NRCAM: variants seen among roughly 807,000 people sequenced by gnomAD.
NRCAM encodes neuronal cell adhesion molecule.
NRCAM carries 83 observed loss-of-function variants against 156.5 expected under a neutral mutation model. The ratio of observed to expected loss-of-function variants is 0.53; its 90% CI spans 0.44 to 0.64. The LOEUF (loss-of-function observed/expected upper bound fraction) is 0.64, where lower values mean the gene tolerates loss of function less well. Ranked by LOEUF, NRCAM falls within the 30% of genes least tolerant of loss-of-function variation. NRCAM has a pLI of 0.00. For missense variants in NRCAM, 1,417 were observed against 1,597.3 expected, an observed-to-expected ratio of 0.89 and a Z score of 1.92; for synonymous variants, 538 against 563.9, an observed-to-expected ratio of 0.95 and a Z score of 0.65.
rs547689635 is a variant in NRCAM at position 108,270,029 on chromosome 7, T to G, written c.-106-29859A>C. On this transcript the variant is annotated intron_variant, in intron 3 of 32. Coordinates refer to ENST00000379028, the MANE Select transcript of NRCAM (RefSeq NM_001037132.4). ...TGTGTTCATTAGAGTTCAAAATGTTTCAGCAGATACAGCTTCCATTATCTT... is the reference window on the plus strand; with the variant it reads ...TGTGTTCATTAGAGTTCAAAATGTTGCAGCAGATACAGCTTCCATTATCTT... Among the ~76,000 whole-genome samples the G allele has an allele frequency of 8.3e-4, 126 of 152,336 alleles. 1 individual carries two copies. Among genetic ancestry groups the G allele is most frequent in the African/African-American group, 3.0e-3 (123 of 41,582 alleles).
chr7:108,159,367 T>G, intron 32 of NRCAM, 96 bp downstream of exon 32: 65 of 1,035,586 alleles, frequency 6.3e-5, no homozygotes, highest in Non-Finnish European at 9.3e-5. Context: ...GAGGAAAATA[T>G]GAGATGCCAG....
At chr7:108,412,836 A>G (rs1039012938) in intron 1 of NRCAM, among the ~76,000 whole-genome samples, 2 of 152,128 alleles carry the variant, frequency 1.3e-5, no homozygotes, top group Non-Finnish European at 2.9e-5. Flanking sequence ...ACTAAACATA[A>G]TGTCCTCCAG....
chr7:108,307,567 G>A (rs556146226), intron 3 of NRCAM, among the ~76,000 whole-genome samples: 5 of 152,096 alleles, frequency 3.3e-5, no homozygotes, highest in Non-Finnish European at 5.9e-5. Flanking sequence ...GACAATAGCT[G>A]TAGAAATGCC....
intron 11 of NRCAM, among the ~76,000 whole-genome samples, chr7:108,210,141 C>CT (rs1000181387): frequency 6.6e-6 from 1 of 151,772 alleles, no homozygotes; most frequent in African/African-American, 2.4e-5. Context: ...AGGGAAAGAG[C>CT]TTTTTTTCCT....
chr7:108,385,907 G>A (rs555531591), intron 2 of NRCAM, among the ~76,000 whole-genome samples: 99 of 67,808 alleles, frequency 1.5e-3, no homozygotes, highest in Non-Finnish European at 3.1e-3. Flanking sequence ...TATGGAGAGA[G>A]AGGGAGGGAG....
At chr7:108,440,138 G>A (rs1055809189) in intron 1 of NRCAM, among the ~76,000 whole-genome samples, 1 of 152,054 alleles carries the variant, frequency 6.6e-6, no homozygotes, top group African/African-American at 2.4e-5. Context: ...TGGTGAATAC[G>A]TAAACTCAAT....
intron 2 of NRCAM, among the ~76,000 whole-genome samples, chr7:108,351,500 A>C (rs2099412309): frequency 6.6e-6 from 1 of 152,224 alleles, no homozygotes; most frequent in African/African-American, 2.4e-5. Flanking sequence ...TGGTAGATGC[A>C]AGAAGCAACA....
intron 3 of NRCAM, among the ~76,000 whole-genome samples, chr7:108,257,884 G>C (rs753978145): frequency 2.0e-5 from 3 of 151,978 alleles, no homozygotes; most frequent in Admixed American, 6.6e-5. Context: ...TCTCAGATGA[G>C]AGCGTTCACA....
intron 2 of NRCAM, among the ~76,000 whole-genome samples, chr7:108,313,036 A>G (rs557744077): frequency 6.6e-6 from 1 of 152,168 alleles, no homozygotes; most frequent in Admixed American, 6.5e-5. Context: ...TAATGTATCT[A>G]TACAGTGTGG....
chr7:108,237,131 T>C (rs1049713216), intron 5 of NRCAM, among the ~76,000 whole-genome samples: 2 of 152,212 alleles, frequency 1.3e-5, no homozygotes, highest in African/African-American at 4.8e-5. Context: ...GAAAACTGAC[T>C]ATTTTTAAAC....
At chr7:108,329,725 A>G (rs535212200) in intron 2 of NRCAM, among the ~76,000 whole-genome samples, 11 of 152,270 alleles carry the variant, frequency 7.2e-5, no homozygotes, top group Admixed American at 3.9e-4. Context: ...TCTCCTTCAA[A>G]GCGTATTGTC....
chr7:108,414,670 A>C (rs1261801768), intron 1 of NRCAM, among the ~76,000 whole-genome samples: 1 of 152,130 alleles, frequency 6.6e-6, no homozygotes. Flanking sequence ...ATTTGATACC[A>C]CTCAGTGTAC....
At chr7:108,439,615 G>C (rs953909370) in intron 1 of NRCAM, among the ~76,000 whole-genome samples, 1 of 152,104 alleles carries the variant, frequency 6.6e-6, no homozygotes, top group Non-Finnish European at 1.5e-5. Flanking sequence ...AGCACTTTGG[G>C]AGGCTGAGGC....
chr7:108,402,178 T>G (rs989231371), intron 1 of NRCAM, among the ~76,000 whole-genome samples: 2 of 152,204 alleles, frequency 1.3e-5, no homozygotes, highest in Non-Finnish European at 2.9e-5. Flanking sequence ...TCACAATTCA[T>G]GGGTAAACAA....
intron 2 of NRCAM, among the ~76,000 whole-genome samples, chr7:108,349,479 A>G (rs1013203074): frequency 1.3e-5 from 2 of 151,962 alleles, no homozygotes; most frequent in African/African-American, 4.8e-5. Context: ...TGTGTTAGCC[A>G]GGAAGGTCTT....
intron 2 of NRCAM, among the ~76,000 whole-genome samples, chr7:108,342,167 T>A (rs1253245270): frequency 6.6e-6 from 1 of 152,212 alleles, no homozygotes; most frequent in Admixed American, 6.5e-5. Flanking sequence ...TGTCCTTCAG[T>A]AAGTGAATGA....
At chr7:108,208,905 CA>C (rs2082570723) in intron 12 of NRCAM, among the ~76,000 whole-genome samples, 1 of 152,154 alleles carries the variant, frequency 6.6e-6, no homozygotes, top group African/African-American at 2.4e-5. Flanking sequence ...TTCTCCACTC[CA>C]AAGTTACTAT....
chr7:108,446,073 G>A (rs1308627767), intron 1 of NRCAM, among the ~76,000 whole-genome samples: 2 of 152,140 alleles, frequency 1.3e-5, no homozygotes, highest in East Asian at 1.9e-4. Flanking sequence ...AAAATGACAA[G>A]CACCAGCTTC....
At chr7:108,321,016 T>C (rs2098995042) in intron 2 of NRCAM, among the ~76,000 whole-genome samples, 1 of 152,250 alleles carries the variant, frequency 6.6e-6, no homozygotes. Flanking sequence ...TAGTGAGCTA[T>C]TCTGTCCCCT....
Sources: gnomAD v4.1 joint callset for allele counts (sites outside exome capture counted in the v4.1 genomes callset) on GRCh38, gnomAD v4.1.1 for gene constraint, MANE v1.5 for transcripts, NCBI Gene and HGNC (gene_info 2026-07-23, HGNC 2026-07-21) for gene names.